The following HIPK3 variants were observed in gnomAD, a reference collection of about 807,000 sequenced individuals.
HIPK3 encodes homeodomain interacting protein kinase 3, also known as homeodomain-interacting protein kinase 3.
HIPK3 carries 47 observed loss-of-function variants against 124.2 expected under a neutral mutation model. The ratio of observed to expected loss-of-function variants is 0.38; its 90% CI spans 0.30 to 0.48. The LOEUF is 0.48. Ranked by LOEUF, HIPK3 falls within the 20% of genes least tolerant of loss-of-function variation. HIPK3 has a pLI of 0.98. For synonymous variants in HIPK3, 482 were observed against 515.2 expected (o/e 0.94, Z 0.87); for missense variants, 1,286 against 1,454.3 (o/e 0.88, Z 1.88).
At chr11:33,284,311 A>G (rs887628528) in intron 1 of HIPK3, among the ~76,000 whole-genome samples, 2 of 152,220 alleles carry the variant, frequency 1.3e-5, no homozygotes, top group Non-Finnish European at 1.5e-5. Context: ...AAAGACAGAT[A>G]TATACACTGA....
intron 2 of HIPK3, among the ~76,000 whole-genome samples, chr11:33,321,502 T>C (rs1852661652): frequency 6.6e-6 from 1 of 152,180 alleles, no homozygotes; most frequent in South Asian, 2.1e-4. Flanking sequence ...ATTGGAGTGA[T>C]GTACTTCAGT....
At chr11:33,302,342 CTTT>C (rs58735030) in intron 2 of HIPK3, among the ~76,000 whole-genome samples, 1 of 135,704 alleles carries the variant, frequency 7.4e-6, no homozygotes, top group Non-Finnish European at 1.5e-5. Context: ...TTCCTTACTT[CTTT>C]TTTTTTTTTT....
intron 11 of HIPK3, 60 bp from the exon 12 acceptor site, chr11:33,348,106 A>G: frequency 6.2e-7 from 1 of 1,606,226 alleles, no homozygotes. Flanking sequence ...TTGTATTCAA[A>G]ATGACCTCTT....
At position 33,258,030 on chromosome 11, in the gene HIPK3, C is replaced by T. The variant is rs571907591; in HGVS notation, c.-3+141C>T. 66 of 663,090 alleles carry T rather than the reference C, an allele frequency of 1.0e-4. No individual in the cohort carries two copies. The African/African-American group carries it at 1.5e-3, about 15-fold the overall frequency. The allele number at this position is 663,090 out of a possible 1,614,324, so 41.1% of individuals were successfully genotyped here. On this transcript the variant is annotated intron_variant, in intron 1 of 16. Transcript: ENST00000303296. ...CGCAGCCCGCACTCATTGCGCGTCC[C>T]GTGCCCCATCCGCATCCCCAGCGCT... is the stretch of plus-strand genomic sequence containing the variant.
chr11:33,322,520 T>C (rs1227133197), intron 2 of HIPK3, among the ~76,000 whole-genome samples: 4 of 151,994 alleles, frequency 2.6e-5, no homozygotes, highest in Non-Finnish European at 5.9e-5. Context: ...GGAAGAAAAA[T>C]CAATAGTTCC....
intron 2 of HIPK3, among the ~76,000 whole-genome samples, chr11:33,323,903 G>A (rs1347741172): frequency 4.6e-5 from 7 of 152,170 alleles, no homozygotes; most frequent in African/African-American, 1.7e-4. Context: ...AACAGGTTTA[G>A]TTGTATTCTC....
chr11:33,311,975 T>TACACGCACAC (rs1554965582), intron 2 of HIPK3, among the ~76,000 whole-genome samples: 1 of 136,970 alleles, frequency 7.3e-6, no homozygotes, highest in Non-Finnish European at 1.6e-5. Context: ...ACCCTGTTTC[T>TACACGCACAC]ACACACACAC....
intron 3 of HIPK3, among the ~76,000 whole-genome samples, chr11:33,335,483 G>T (rs1259568179): frequency 6.6e-6 from 1 of 152,188 alleles, no homozygotes; most frequent in Non-Finnish European, 1.5e-5. Flanking sequence ...TATTAAACAT[G>T]TCTGTTACTA....
At chr11:33,330,020 C>T (rs1461768184) in intron 3 of HIPK3, among the ~76,000 whole-genome samples, 7 of 152,066 alleles carry the variant, frequency 4.6e-5, no homozygotes, top group Non-Finnish European at 1.0e-4. Flanking sequence ...GAAAAGGACC[C>T]CAGAGATTAC....
rs1020992386 is a variant in HIPK3, at chr11:33,354,598, A to G, written c.*1030A>G. The G allele has an allele frequency of 7.2e-5, 11 of 152,582 alleles. No individual in the cohort carries two copies. The highest frequency in any genetic ancestry group is 2.0e-4 in the Admixed American group (3 of 15,270). The allele number at this position is 152,582 out of a possible 1,614,324, so 9.5% of individuals were successfully genotyped here. The stretch of plus-strand genomic sequence containing the variant: ...GATGTGGTTTTATCTTAGCTTGGGC[A>G]AACCATGCAGTATTTAATAAATAGT... On this transcript the variant is annotated 3_prime_UTR_variant, in exon 17 of 17. Coordinates refer to ENST00000303296, the MANE Select transcript of HIPK3 (RefSeq NM_005734.5).
At chr11:33,338,892 C>A in intron 5 of HIPK3, 49 bp downstream of exon 5, 1 of 1,320,118 alleles carries the variant, frequency 7.6e-7, no homozygotes, top group Non-Finnish European at 1.1e-6. Flanking sequence ...AGATGGTAGA[C>A]TTGAATGCCA....
intron 1 of HIPK3, among the ~76,000 whole-genome samples, chr11:33,285,578 A>AAT (rs34306070): frequency 0.022 from 834 of 38,342 alleles, 7 homozygotes; most frequent in Non-Finnish European, 0.025. Context: ...AAAAAAAAAA[A>AAT]ATATATATAT....
At chr11:33,257,920 C>G in intron 1 of HIPK3, 31 bp downstream of exon 1, 1 of 985,664 alleles carries the variant, frequency 1.0e-6, no homozygotes, top group Middle Eastern at 5.2e-4. Flanking sequence ...GCGCCGCCAC[C>G]CCGGGGTGGG....
At chr11:33,282,715 C>G (rs61887925) in intron 1 of HIPK3, among the ~76,000 whole-genome samples, 1 of 151,990 alleles carries the variant, frequency 6.6e-6, no homozygotes, top group African/African-American at 2.4e-5. Context: ...TTAATCATCT[C>G]TTTTTCTGAG....
intron 2 of HIPK3, among the ~76,000 whole-genome samples, chr11:33,321,214 A>G (rs1386842879): frequency 6.6e-6 from 1 of 152,178 alleles, no homozygotes; most frequent in Non-Finnish European, 1.5e-5. Context: ...TTGAGGACGT[A>G]GCGAATGCAG....
At chr11:33,257,102 A>G (rs914254620), upstream of HIPK3, among the ~76,000 whole-genome samples, 3 of 152,144 alleles carry the variant, frequency 2.0e-5, no homozygotes, top group Admixed American at 2.0e-4. Flanking sequence ...GAGGTTCAGA[A>G]CAGCAGAGCC....
At chr11:33,333,602 G>C (rs1017529728) in intron 3 of HIPK3, among the ~76,000 whole-genome samples, 5 of 152,112 alleles carry the variant, frequency 3.3e-5, no homozygotes, top group Admixed American at 6.5e-5. Context: ...GGTTCTAGAT[G>C]GAACATTTTT....
At chr11:33,306,984 G>C (rs962440339) in intron 2 of HIPK3, among the ~76,000 whole-genome samples, 45 of 150,968 alleles carry the variant, frequency 3.0e-4, no homozygotes, top group African/African-American at 1.1e-3. Flanking sequence ...TGTCGCCCAG[G>C]CTGGAGTCCA....
At chr11:33,310,574 A>G (rs266454) in intron 2 of HIPK3, among the ~76,000 whole-genome samples, 103,358 of 151,968 alleles carry the variant, frequency 0.68, 35,312 homozygotes, top group Non-Finnish European at 0.72. Context: ...CTCCCAGAGT[A>G]CTTGGATTAC....
Sources: allele counts gnomAD v4.1 joint callset (sites outside exome capture counted in the v4.1 genomes callset), GRCh38; gene constraint gnomAD v4.1.1; transcripts MANE v1.5; gene names NCBI Gene and HGNC (gene_info 2026-07-23, HGNC 2026-07-21).